WDR73: variants seen among roughly 807,000 people sequenced by gnomAD.
WDR73 encodes the protein WD repeat domain 73, also known as integrator complex assembly factor WDR73.
WDR73 carries 30 observed loss-of-function variants against 38.2 expected under a neutral mutation model. That is an observed-to-expected ratio of 0.79 (90% CI 0.59 to 1.06). WDR73 has a LOEUF of 1.06. Among genes scored for constraint, WDR73 ranks in the 50% least tolerant of loss-of-function variants. The pLI is 0.00. For missense variants in WDR73, 487 were observed against 467.0 expected (o/e 1.04, Z -0.40); for synonymous variants, 197 against 176.0 (o/e 1.12, Z -0.94).
rs928818780 is a variant in WDR73, at chr15:84,642,048, G to A, written c.*1422C>T. On this transcript the variant is annotated 3_prime_UTR_variant, in exon 8 of 8. Transcript: ENST00000434634. ...TCACTTAACCAGCGAATTCACACAG[G>A]AGAAATCCCCTGGCCGGGCGCGGTG... 6.6e-6 allele frequency: 1 copy of A among 151,970 alleles called. No homozygotes were observed. Among genetic ancestry groups the A allele is most frequent in the Non-Finnish European group, 1.5e-5 (1 of 68,026 alleles). The allele number at this position is 151,970 out of a possible 1,614,324, so 9.4% of individuals were successfully genotyped here.
intron 3 of WDR73, among the ~76,000 whole-genome samples, chr15:84,649,852 C>T (rs190394130): frequency 1.4e-4 from 22 of 152,236 alleles, no homozygotes; most frequent in Non-Finnish European, 2.6e-4. Flanking sequence ...TCAAGCAGTC[C>T]ACCGCCTCAG....
chr15:84,646,049 C>T, intron 6 of WDR73, 135 bp downstream of exon 6: 2 of 1,548,076 alleles, frequency 1.3e-6, no homozygotes, highest in Non-Finnish European at 1.7e-6. Flanking sequence ...CCTTAGAGGC[C>T]AGGGCTTACC....
chr15:84,654,133 C>G, intron 1 of WDR73, 101 bp downstream of exon 1: 1 of 1,510,774 alleles, frequency 6.6e-7, no homozygotes, highest in Non-Finnish European at 9.2e-7. Context: ...CACAGCTGGC[C>G]CACTCTGCAC....
At position 84,654,026 on chromosome 15, in the gene WDR73, T is replaced by C; in HGVS notation, c.41+208A>G. 3.0e-6 allele frequency: 2 copies of C among 659,800 alleles called. No individual in the cohort carries two copies. The highest frequency in any genetic ancestry group is 2.7e-5 in the East Asian group (1 of 36,776). The allele number at this position is 659,800 out of a possible 1,614,324, so 40.9% of individuals were successfully genotyped here. ...GCGTCTTCACAAGCGCGGCTCTTAC[T>C]AGTAATCTCACAACGCGCGCACGCA... On this transcript the variant is annotated intron_variant, in intron 1 of 7. Transcript: ENST00000434634.
At chr15:84,653,061 G>A (rs1021037875) in intron 2 of WDR73, 9 of 352,364 alleles carry the variant, frequency 2.6e-5, no homozygotes, top group East Asian at 1.8e-4. Context: ...TGGGATTATA[G>A]GCGTGAGCCA....
chr15:84,640,414 C>A lies in WDR73; in HGVS notation c.*3056G>T, dbSNP rs1473658014. ...GTAGTCCAGGGTGGCTCACAAAGAC[C>A]ACTTTGAGGCTCTTGCTCTGCTCTT... On this transcript the variant is annotated 3_prime_UTR_variant, in exon 8 of 8. Transcript: ENST00000434634. 1 of 152,218 alleles carries A rather than the reference C, an allele frequency of 6.6e-6. No individual in the cohort carries two copies. The highest frequency in any genetic ancestry group is 1.5e-5 in the Non-Finnish European group (1 of 68,042). The allele number at this position is 152,218 out of a possible 1,614,324, so 9.4% of individuals were successfully genotyped here.
rs374742538 is a variant in WDR73, at chr15:84,645,538, A to G, written c.816T>C (p.Pro272=). ...CTCGCAGCAGCTCTGGGTCAGGGCT[A>G]GGTACGGATACTGGGCACTGGACTG... ...VSSVQCPVSV[P]SPDPELLRVT... The change falls in exon 7 of 8, where the codon CCT becomes CCC. Residue 272 remains proline, a synonymous_variant. Coordinates refer to ENST00000434634, the MANE Select transcript of WDR73 (RefSeq NM_032856.5). The G allele has an allele frequency of 2.2e-5, 35 of 1,612,088 alleles. No homozygotes were observed. The highest frequency in any genetic ancestry group is 3.0e-5 in the Non-Finnish European group (35 of 1,179,090).
At position 84,643,652 on chromosome 15, in the gene WDR73, TCCG is replaced by T; in HGVS notation, c.952_954del (p.Arg318del). 9.4e-7 allele frequency: 1 copy of T among 1,068,668 alleles called. No homozygotes were observed. The highest frequency in any genetic ancestry group is 2.7e-5 in the East Asian group (1 of 37,716). The allele number at this position is 1,068,668 out of a possible 1,614,324, so 66.2% of individuals were successfully genotyped here. A position where few individuals can be genotyped will look rare whatever the true frequency, so the allele number is the denominator to read the frequency against. On this transcript the variant is annotated inframe_deletion, in exon 8 of 8. Transcript: ENST00000434634. ...TGAGTGAAGAGAGGTTCTACTTGGC[TCCG>T]TGTTCCATCTTGGCTCCGTGTTCCA...
rs1384286423 is a variant in WDR73, at chr15:84,643,495, C to G, written c.1112G>C (p.Trp371Ser). Residue 371 changes from tryptophan (W) to serine (S), a missense_variant, in exon 8 of 8, where the codon TGG (tryptophan) becomes TCG (serine). Physicochemically the swap from Trp to Ser is radical, Grantham distance 177. Transcript: ENST00000434634. ...TCAGCGGGGGGCACAAAGGTCCACC[C>G]AGTCCCACACATGCAGAGAGGCATC... ...TNDASLHVWD[W>S]VDLCAPR 1.3e-6 allele frequency: 2 copies of G among 1,563,728 alleles called. No individual in the cohort carries two copies. Among genetic ancestry groups the G allele is most frequent in the Non-Finnish European group, 1.7e-6 (2 of 1,153,462 alleles).
intron 3 of WDR73, among the ~76,000 whole-genome samples, chr15:84,650,074 C>G (rs1382619822): frequency 1.3e-5 from 2 of 152,218 alleles, no homozygotes; most frequent in Non-Finnish European, 2.9e-5. Context: ...GGGATCTAGC[C>G]TCTCCCAGGC....
chr15:84,643,787 TTCTA>T, intron 7 of WDR73, 64 bp from the exon 8 acceptor site: 1 of 1,471,486 alleles, frequency 6.8e-7, no homozygotes, highest in South Asian at 1.4e-5. Context: ...ATAATTTTCT[TTCTA>T]TTTTTAATAG....
intron 6 of WDR73, 28 bp from the exon 7 acceptor site, chr15:84,645,864 G>C (rs1896438501): frequency 1.2e-6 from 2 of 1,613,000 alleles, no homozygotes; most frequent in Non-Finnish European, 8.5e-7. Flanking sequence ...AAGGAGACAA[G>C]CGGCTGGAGG....
chr15:84,654,074 TG>T, intron 1 of WDR73, 159 bp downstream of exon 1: 1 of 922,926 alleles, frequency 1.1e-6, no homozygotes, highest in Non-Finnish European at 1.7e-6. Context: ...TTCCTAGAGA[TG>T]GGGGCCTAGG....
In WDR73 at chr15:84,653,636, G is replaced by A; in HGVS notation, c.105C>T (p.Asp35=). The A allele has an allele frequency of 6.3e-7, 1 of 1,588,924 alleles. No individual in the cohort carries two copies. The highest frequency in any genetic ancestry group is 2.3e-5 in the East Asian group (1 of 43,998). ...AGGGCTAGAAAGGTATACCACCTTT[G>A]TCATCAATCCATTCAAGGACTCGAG... The part of the protein sequence containing the change: ...GATRVLEWID[D]KGVFVAGYES... The change falls in exon 2 of 8, where the codon GAC becomes GAT. Residue 35 remains aspartate, a synonymous_variant. Transcript: ENST00000434634.
At chr15:84,648,326 TA>T in intron 4 of WDR73, 2 of 589,614 alleles carry the variant, frequency 3.4e-6, no homozygotes, top group Non-Finnish European at 6.0e-6. Context: ...TTACTTACAT[TA>T]GTCCAAGGGC....
At chr15:84,651,222 C>T (rs529494390) in intron 3 of WDR73, among the ~76,000 whole-genome samples, 55 of 152,090 alleles carry the variant, frequency 3.6e-4, no homozygotes, top group African/African-American at 1.2e-3. Context: ...GCCAAGCGTT[C>T]GAGACCAGCC....
chr15:84,653,566 CT>C, intron 2 of WDR73, 65 bp downstream of exon 2: 1 of 1,332,902 alleles, frequency 7.5e-7, no homozygotes, highest in Non-Finnish European at 1.1e-6. Flanking sequence ...TCCCTCTAGG[CT>C]TAGCTCCTGA....
chr15:84,651,544 T>G (rs1370460752), intron 3 of WDR73, among the ~76,000 whole-genome samples: 1 of 152,184 alleles, frequency 6.6e-6, no homozygotes, highest in African/African-American at 2.4e-5. Context: ...TACCATCCCC[T>G]GGACTCCTGA....
intron 1 of WDR73, 51 bp from the exon 2 acceptor site, chr15:84,653,750 A>C: frequency 1.4e-6 from 2 of 1,417,464 alleles, no homozygotes; most frequent in Non-Finnish European, 2.0e-6. Context: ...TCACAGCTCA[A>C]AGAACTCCAA....
Sources: gnomAD v4.1 joint callset for allele counts (sites outside exome capture counted in the v4.1 genomes callset) on GRCh38, gnomAD v4.1.1 for gene constraint, MANE v1.5 for transcripts, NCBI Gene and HGNC (gene_info 2026-07-23, HGNC 2026-07-21) for gene names.